PTPRT: variants seen among roughly 807,000 people sequenced by gnomAD.
PTPRT encodes receptor-type tyrosine-protein phosphatase T.
In PTPRT, 56 loss-of-function variants were observed where a neutral mutation model predicts 176.8. The observed-to-expected ratio is 0.32, with a 90% confidence interval of 0.26 to 0.40. The LOEUF (loss-of-function observed/expected upper bound fraction) is 0.40. Among genes scored for constraint, PTPRT ranks in the 10% least tolerant of loss-of-function variants. The pLI, the probability that PTPRT is intolerant of heterozygous loss-of-function variation, is 1.00. For missense variants in PTPRT, 1,540 were observed against 1,908.2 expected (o/e 0.81, Z 3.60); for synonymous variants, 783 against 739.0 (o/e 1.06, Z -0.96).
intron 1 of PTPRT, among the ~76,000 whole-genome samples, chr20:42,997,773 A>T (rs1984304615): frequency 6.6e-6 from 1 of 152,134 alleles, no homozygotes; most frequent in Non-Finnish European, 1.5e-5. Context: ...CATTGTTGGT[A>T]TCGTTCAGTA....
At chr20:42,795,184 T>TAA (rs11477579) in intron 2 of PTPRT, among the ~76,000 whole-genome samples, 3 of 149,012 alleles carry the variant, frequency 2.0e-5, no homozygotes, top group African/African-American at 5.0e-5. Flanking sequence ...CCTTCTCCCT[T>TAA]AAAAAAAAAA....
intron 11 of PTPRT, among the ~76,000 whole-genome samples, chr20:42,328,670 C>T (rs1294293425): frequency 6.6e-6 from 1 of 152,066 alleles, no homozygotes; most frequent in Non-Finnish European, 1.5e-5. Context: ...TTCAAAATAC[C>T]TATTTCAAAT....
chr20:42,832,569 A>G (rs2078107585), intron 2 of PTPRT, among the ~76,000 whole-genome samples: 1 of 152,042 alleles, frequency 6.6e-6, no homozygotes, highest in African/African-American at 2.4e-5. Context: ...ATCCAAGAAA[A>G]AGATGCTGTA....
intron 9 of PTPRT, among the ~76,000 whole-genome samples, chr20:42,381,231 G>C (rs1007557016): frequency 1.3e-5 from 2 of 152,190 alleles, no homozygotes; most frequent in South Asian, 4.1e-4. Flanking sequence ...GGGCCTTTTA[G>C]ATTCATTGTA....
intron 15 of PTPRT, among the ~76,000 whole-genome samples, chr20:42,225,898 C>A (rs1489912946): frequency 1.3e-5 from 2 of 152,196 alleles, no homozygotes; most frequent in Admixed American, 6.5e-5. Context: ...AGTGATCAGC[C>A]TGCCCTGGCC....
chr20:42,467,239 G>A (rs2071116102), intron 8 of PTPRT, among the ~76,000 whole-genome samples: 1 of 152,042 alleles, frequency 6.6e-6, no homozygotes, highest in South Asian at 2.1e-4. Context: ...AAGCTTTAGG[G>A]GAATACAATA....
At chr20:42,424,565 T>C (rs1399684928) in intron 9 of PTPRT, among the ~76,000 whole-genome samples, 2 of 152,024 alleles carry the variant, frequency 1.3e-5, no homozygotes, top group African/African-American at 4.8e-5. Context: ...TGGGAATGAT[T>C]TACTCATTTA....
intron 1 of PTPRT, among the ~76,000 whole-genome samples, chr20:43,040,723 T>C (rs1161428926): frequency 6.6e-6 from 1 of 152,122 alleles, no homozygotes; most frequent in Admixed American, 6.5e-5. Context: ...AGAAGAAGCA[T>C]TGTGAATAAA....
intron 1 of PTPRT, among the ~76,000 whole-genome samples, chr20:43,044,351 G>T (rs756056154): frequency 6.6e-6 from 1 of 152,076 alleles, no homozygotes; most frequent in Non-Finnish European, 1.5e-5. Flanking sequence ...TGTCCGCCAG[G>T]GAGACTGGCC....
chr20:42,784,722 A>G (rs1180081374), intron 3 of PTPRT, among the ~76,000 whole-genome samples: 1 of 147,610 alleles, frequency 6.8e-6, no homozygotes, highest in African/African-American at 2.4e-5. Context: ...TCAGGGGCCT[A>G]TATAGCGATA....
intron 13 of PTPRT, among the ~76,000 whole-genome samples, chr20:42,258,408 T>C (rs569506197): frequency 6.6e-6 from 1 of 152,228 alleles, no homozygotes; most frequent in Non-Finnish European, 1.5e-5. Context: ...TTCTTGTATA[T>C]CAACCACCAC....
chr20:42,282,134 T>TA (rs1326283474), intron 13 of PTPRT, among the ~76,000 whole-genome samples: 1 of 152,034 alleles, frequency 6.6e-6, no homozygotes, highest in Non-Finnish European at 1.5e-5. Context: ...TAGACATGCT[T>TA]AAAAAATACC....
chr20:43,057,490 G>T (rs975202066), intron 1 of PTPRT, among the ~76,000 whole-genome samples: 2 of 151,776 alleles, frequency 1.3e-5, no homozygotes, highest in African/African-American at 4.8e-5. Flanking sequence ...GAATGAAAGG[G>T]AAGAAAAAAA....
intron 15 of PTPRT, among the ~76,000 whole-genome samples, chr20:42,233,305 C>A (rs1478163914): frequency 6.6e-6 from 1 of 152,174 alleles, no homozygotes; most frequent in Non-Finnish European, 1.5e-5. Context: ...TGCAATATAT[C>A]CAGAGTCATA....
chr20:42,204,118 A>T (rs953764313), intron 15 of PTPRT, among the ~76,000 whole-genome samples: 1 of 152,236 alleles, frequency 6.6e-6, no homozygotes, highest in African/African-American at 2.4e-5. Flanking sequence ...GCAAAGAAAG[A>T]GAAGGAAACG....
At chr20:42,498,221 GC>G (rs1281415000) in intron 7 of PTPRT, among the ~76,000 whole-genome samples, 1 of 152,032 alleles carries the variant, frequency 6.6e-6, no homozygotes, top group African/African-American at 2.4e-5. Context: ...AAAATTCTAA[GC>G]CCCCCAGTCA....
At chr20:42,307,752 G>C (rs933618834) in intron 12 of PTPRT, among the ~76,000 whole-genome samples, 1 of 152,136 alleles carries the variant, frequency 6.6e-6, no homozygotes, top group Non-Finnish European at 1.5e-5. Context: ...TCTTGAATAG[G>C]GGCTGGGTAA....
chr20:42,274,210 G>C (rs1181148331), intron 13 of PTPRT, among the ~76,000 whole-genome samples: 1 of 152,162 alleles, frequency 6.6e-6, no homozygotes, highest in East Asian at 1.9e-4. Flanking sequence ...TCTCATCAAG[G>C]CCATGTAAGT....
At chr20:42,400,986 T>A (rs1220188239) in intron 9 of PTPRT, among the ~76,000 whole-genome samples, 1 of 151,636 alleles carries the variant, frequency 6.6e-6, no homozygotes, top group Non-Finnish European at 1.5e-5. Flanking sequence ...GGGAGGAGGG[T>A]GGAGCCGAGG....
Sources: allele counts gnomAD v4.1 joint callset (sites outside exome capture counted in the v4.1 genomes callset), GRCh38; gene constraint gnomAD v4.1.1; transcripts MANE v1.5; gene names NCBI Gene and HGNC (gene_info 2026-07-23, HGNC 2026-07-21).